The following USP47 variants were observed in gnomAD, a reference collection of about 807,000 sequenced individuals.
USP47 encodes ubiquitin carboxyl-terminal hydrolase 47.
In USP47, 35 loss-of-function variants were observed where a neutral mutation model predicts 165.1. The ratio of observed to expected loss-of-function variants is 0.21; its 90% CI spans 0.16 to 0.28. The LOEUF is 0.28. USP47 is among the 10% of genes least tolerant of loss of function. USP47 has a pLI of 1.00. For synonymous variants in USP47, 531 were observed against 544.5 expected, an observed-to-expected ratio of 0.98 and a Z score of 0.35; for missense variants, 1,277 against 1,607.4, an observed-to-expected ratio of 0.79 and a Z score of 3.52.
At chr11:11,880,143 A>G (rs746003786) in intron 1 of USP47, 34 bp from the exon 2 acceptor site, 24 of 1,375,470 alleles carry the variant, frequency 1.7e-5, no homozygotes, top group African/African-American at 3.0e-5. Flanking sequence ...CTTTAAAGAT[A>G]ATATATAAAG....
At chr11:11,899,757 T>C (rs1852078134) in intron 5 of USP47, among the ~76,000 whole-genome samples, 1 of 152,070 alleles carries the variant, frequency 6.6e-6, no homozygotes, top group South Asian at 2.1e-4. Context: ...AGTAAGGAAG[T>C]AGGAGACAGA....
chr11:11,880,592 T>A (rs1850763316), intron 2 of USP47, among the ~76,000 whole-genome samples: 1 of 152,168 alleles, frequency 6.6e-6, no homozygotes, highest in Admixed American at 6.6e-5. Flanking sequence ...GTTTACATAA[T>A]GTCATTTCAT....
intron 22 of USP47, 109 bp from the exon 23 acceptor site, chr11:11,949,780 A>ATGAG (rs2134862440): frequency 1.5e-6 from 1 of 677,196 alleles, no homozygotes; most frequent in South Asian, 2.2e-5. Context: ...TCTGAAACTC[A>ATGAG]GGCCCTTAAT....
At chr11:11,922,385 T>C (rs1156403084) in intron 10 of USP47, among the ~76,000 whole-genome samples, 1 of 151,942 alleles carries the variant, frequency 6.6e-6, no homozygotes, top group African/African-American at 2.4e-5. Context: ...ATTTTGGAGC[T>C]CAGCTTCTCT....
chr11:11,921,310 T>A (rs865973643), intron 10 of USP47, among the ~76,000 whole-genome samples: 49 of 151,886 alleles, frequency 3.2e-4, no homozygotes, highest in African/African-American at 1.2e-3. Flanking sequence ...TCCCAGGAGT[T>A]CAAAAATAAT....
At chr11:11,903,197 AAAC>A in intron 6 of USP47, 63 bp from the exon 7 acceptor site, 2 of 1,484,006 alleles carry the variant, frequency 1.3e-6, no homozygotes, top group Non-Finnish European at 1.8e-6. Flanking sequence ...ATTTGCTTTT[AAAC>A]AACAGATTGT....
rs531703236 is a variant in USP47, at chr11:11,931,128, G to T, written c.1651+377G>T. Among the ~76,000 whole-genome samples the T allele has an allele frequency of 3.3e-5, 5 of 152,114 alleles. No individual in the cohort carries two copies. The South Asian group carries it at 1.0e-3, about 32-fold the overall frequency. On this transcript the variant is annotated intron_variant, in intron 14 of 27. Transcript: ENST00000527733. ...GGCTGTATTACAAATATCTAGGGGGGTGTGTACAGATACATATACAGGTGA... is the reference window on the plus strand; with the variant it reads ...GGCTGTATTACAAATATCTAGGGGGTTGTGTACAGATACATATACAGGTGA...
At chr11:11,876,570 A>G (rs533887074) in intron 1 of USP47, among the ~76,000 whole-genome samples, 7 of 152,340 alleles carry the variant, frequency 4.6e-5, no homozygotes, top group African/African-American at 1.7e-4. Flanking sequence ...GTTCTGCTCC[A>G]GGTGGCATCA....
intron 8 of USP47, among the ~76,000 whole-genome samples, chr11:11,913,434 C>G (rs1327972386): frequency 6.6e-6 from 1 of 151,536 alleles, no homozygotes; most frequent in Non-Finnish European, 1.5e-5. Context: ...AGATGGAAAT[C>G]CAACAAAAAA....
At position 11,942,996 on chromosome 11, in the gene USP47, A is replaced by G; in HGVS notation, c.2975A>G (p.Asp992Gly). ...KKETWDTAEE[D>G]SGTDSEYDES... ...GAAACATGGGATACAGCAGAAGAAGACTCTGGAACTGATAGTGAATATGAT... is the reference window on the plus strand; with the variant it reads ...GAAACATGGGATACAGCAGAAGAAGGCTCTGGAACTGATAGTGAATATGAT... The change falls in exon 20 of 28, where the codon GAC becomes GGC. Residue 992 changes from aspartate (D) to glycine (G), a missense_variant. Transcript: ENST00000527733. 1.2e-6 allele frequency: 2 copies of G among 1,613,548 alleles called. No homozygotes were observed. The highest frequency in any genetic ancestry group is 1.3e-5 in the African/African-American group (1 of 74,978).
chr11:11,912,263 A>G (rs1198934215), intron 8 of USP47, among the ~76,000 whole-genome samples: 1 of 152,024 alleles, frequency 6.6e-6, no homozygotes, highest in African/African-American at 2.4e-5. Context: ...ACAGTAGAGG[A>G]AGTCAACAAA....
intron 4 of USP47, among the ~76,000 whole-genome samples, chr11:11,897,376 C>G (rs1851915346): frequency 6.6e-6 from 1 of 151,968 alleles, no homozygotes; most frequent in South Asian, 2.1e-4. Context: ...CTGGACATAT[C>G]TATAACAAGG....
intron 3 of USP47, among the ~76,000 whole-genome samples, chr11:11,890,838 T>G (rs1590314958): frequency 6.6e-6 from 1 of 152,104 alleles, no homozygotes; most frequent in Non-Finnish European, 1.5e-5. Flanking sequence ...CCATAACAAC[T>G]AACAAGATCA....
chr11:11,877,936 T>G (rs1850581580), intron 1 of USP47, among the ~76,000 whole-genome samples: 1 of 151,832 alleles, frequency 6.6e-6, no homozygotes, highest in African/African-American at 2.4e-5. Flanking sequence ...GAGTTACAGA[T>G]TATTTCCATT....
At chr11:11,859,617 C>A (rs1849257876) in intron 1 of USP47, among the ~76,000 whole-genome samples, 1 of 152,028 alleles carries the variant, frequency 6.6e-6, no homozygotes, top group Non-Finnish European at 1.5e-5. Flanking sequence ...TTACCTGCAT[C>A]CCCAAAAGAT....
intron 1 of USP47, 44 bp from the exon 2 acceptor site, chr11:11,880,133 C>A: frequency 2.3e-6 from 3 of 1,323,154 alleles, no homozygotes; most frequent in Non-Finnish European, 3.0e-6. Flanking sequence ...TTTTGTTTTG[C>A]TTTAAAGATA....
chr11:11,849,042 A>G (rs1315581348), intron 1 of USP47, among the ~76,000 whole-genome samples: 2 of 152,044 alleles, frequency 1.3e-5, no homozygotes, highest in Non-Finnish European at 1.5e-5. Flanking sequence ...AGTACTCCCA[A>G]TATTGTCATA....
chr11:11,905,740 A>G (rs192115117), intron 8 of USP47, among the ~76,000 whole-genome samples, 192 bp downstream of exon 8: 39 of 152,300 alleles, frequency 2.6e-4, no homozygotes, highest in Admixed American at 2.4e-3. Context: ...ATGTATTATA[A>G]GAGAGAAAGT....
chr11:11,916,214 C>T (rs1319947484), intron 8 of USP47, among the ~76,000 whole-genome samples: 2 of 152,100 alleles, frequency 1.3e-5, no homozygotes, highest in East Asian at 3.9e-4. Context: ...TTCGGGAGGT[C>T]AAGGCAGAGG....
Sources: allele counts gnomAD v4.1 joint callset (sites outside exome capture counted in the v4.1 genomes callset), GRCh38; gene constraint gnomAD v4.1.1; transcripts MANE v1.5; gene names NCBI Gene and HGNC (gene_info 2026-07-23, HGNC 2026-07-21).